The following TSC22D2 variants were observed in gnomAD, a reference collection of about 807,000 sequenced individuals.
The protein encoded by TSC22D2 is TSC22 domain family protein 2.
TSC22D2 carries 5 observed loss-of-function variants against 50.1 expected under a neutral mutation model. That is an observed-to-expected ratio of 0.10 (90% CI 0.05 to 0.21). The LOEUF is 0.21. TSC22D2 is among the 10% of genes least tolerant of loss of function. The pLI is 1.00. For synonymous variants in TSC22D2, 501 were observed against 450.1 expected (o/e 1.11, Z -1.43); for missense variants, 1,003 against 1,015.5 (o/e 0.99, Z 0.17).
At position 150,460,974 on chromosome 3, in the gene TSC22D2, T is replaced by G. The variant is rs541861404; in HGVS notation, c.*2338T>G. On this transcript the variant is annotated 3_prime_UTR_variant, in exon 3 of 3. Coordinates refer to ENST00000688009, the MANE Select transcript of TSC22D2 (RefSeq NM_001303264.2). ...AAATATGGGTAGTTCACAGAAGAGA[T>G]AAATGGCAGTTTCTAAAGGTTCAAC... The G allele has an allele frequency of 5.3e-5, 8 of 152,268 alleles. No individual in the cohort carries two copies. Among genetic ancestry groups the G allele is most frequent in the African/African-American group, 1.4e-4 (6 of 41,558 alleles). 9.4% of individuals were successfully genotyped at this position (152,268 alleles called of 1,614,324 possible).
In TSC22D2 at chr3:150,413,211, G is replaced by C. The variant is rs58815482; in HGVS notation, c.1958+1903G>C. Among the ~76,000 whole-genome samples the C allele has an allele frequency of 3.0e-4, 45 of 152,308 alleles. 1 individual carries two copies. The highest frequency in any genetic ancestry group is 9.9e-4 in the African/African-American group (41 of 41,574). Reference sequence around the variant, plus strand: ...TTATTTTTTCCTCTTACTGTATTAAGAGTTGGTAATCTGAAAACTCTGATT... The same window carrying C: ...TTATTTTTTCCTCTTACTGTATTAACAGTTGGTAATCTGAAAACTCTGATT... On this transcript the variant is annotated intron_variant, in intron 1 of 2. Coordinates refer to ENST00000688009, the MANE Select transcript of TSC22D2 (RefSeq NM_001303264.2).
chr3:150,428,610 CAT>C (rs1192552259), intron 1 of TSC22D2, among the ~76,000 whole-genome samples: 1 of 101,562 alleles, frequency 9.8e-6, no homozygotes, highest in African/African-American at 3.3e-5. Flanking sequence ...AAAAAAAAAA[CAT>C]ACTTAGATAT....
At chr3:150,412,895 CT>C (rs1247150820) in intron 1 of TSC22D2, among the ~76,000 whole-genome samples, 1 of 152,120 alleles carries the variant, frequency 6.6e-6, no homozygotes, top group Non-Finnish European at 1.5e-5. Flanking sequence ...CAATTTTTTC[CT>C]GATAAGTTGG....
At chr3:150,417,472 G>C (rs773986318) in intron 1 of TSC22D2, among the ~76,000 whole-genome samples, 2 of 152,106 alleles carry the variant, frequency 1.3e-5, no homozygotes, top group African/African-American at 4.8e-5. Flanking sequence ...AACCAATAGC[G>C]TGTTTAATTA....
chr3:150,451,513 CTTAG>C (rs1336681258), intron 1 of TSC22D2, among the ~76,000 whole-genome samples: 1 of 152,182 alleles, frequency 6.6e-6, no homozygotes, highest in South Asian at 2.1e-4. Context: ...ACATTTGGTA[CTTAG>C]TTAAAGCACT....
rs1464255601 is a variant in TSC22D2, at chr3:150,459,439, G to T, written c.*803G>T. The T allele has an allele frequency of 6.6e-6, 1 of 152,438 alleles. No individual in the cohort carries two copies. Among genetic ancestry groups the T allele is most frequent in the African/African-American group, 2.4e-5 (1 of 41,402 alleles). 9.4% of individuals were successfully genotyped at this position (152,438 alleles called of 1,614,324 possible). On this transcript the variant is annotated 3_prime_UTR_variant, in exon 3 of 3. Coordinates refer to ENST00000688009, the MANE Select transcript of TSC22D2 (RefSeq NM_001303264.2). ...TTGTTTCTACTTTCTAAGAGAAATTGCCACGATTCCTCTGCTTTTCAACAT... is the reference window on the plus strand; with the variant it reads ...TTGTTTCTACTTTCTAAGAGAAATTTCCACGATTCCTCTGCTTTTCAACAT...
intron 1 of TSC22D2, among the ~76,000 whole-genome samples, chr3:150,420,989 G>T (rs1248108667): frequency 1.3e-5 from 2 of 152,138 alleles, no homozygotes; most frequent in Non-Finnish European, 2.9e-5. Flanking sequence ...AGGCTGAGGC[G>T]GGAGGATCAT....
intron 1 of TSC22D2, among the ~76,000 whole-genome samples, chr3:150,453,708 C>A (rs529523467): frequency 2.2e-4 from 34 of 152,252 alleles, no homozygotes; most frequent in African/African-American, 7.7e-4. Flanking sequence ...TATCTGAACT[C>A]AAAAAATTTT....
Position 150,410,713 on chromosome 3 carries a change from A to G in TSC22D2, c.1363A>G (p.Thr455Ala). The change falls in exon 1 of 3, where the codon ACT becomes GCT. Residue 455 changes from threonine to alanine, a missense_variant. Transcript: ENST00000688009. ...QGGQVAPCQP[T>A]GVPPATVGGV... Reference sequence around the variant, plus strand: ...CGGGCAGGTCGCGCCTTGTCAGCCGACTGGAGTGCCCCCGGCTACTGTGGG... The same window carrying G: ...CGGGCAGGTCGCGCCTTGTCAGCCGGCTGGAGTGCCCCCGGCTACTGTGGG... 6.3e-7 allele frequency: 1 copy of G among 1,584,342 alleles called. No individual in the cohort carries two copies. Among genetic ancestry groups the G allele is most frequent in the Non-Finnish European group, 8.6e-7 (1 of 1,166,318 alleles).
At chr3:150,451,058 G>C (rs1047189192) in intron 1 of TSC22D2, among the ~76,000 whole-genome samples, 2 of 152,046 alleles carry the variant, frequency 1.3e-5, no homozygotes, top group Non-Finnish European at 2.9e-5. Context: ...GTTTTAGTTG[G>C]TTTGGGCAAG....
intron 1 of TSC22D2, among the ~76,000 whole-genome samples, chr3:150,418,002 C>A (rs1034401814): frequency 5.9e-5 from 9 of 151,928 alleles, no homozygotes; most frequent in Non-Finnish European, 1.3e-4. Context: ...TCCTTCTAGC[C>A]TTATGTATAT....
intron 2 of TSC22D2, among the ~76,000 whole-genome samples, chr3:150,457,640 T>C (rs1721230583): frequency 6.6e-6 from 1 of 152,034 alleles, no homozygotes; most frequent in East Asian, 1.9e-4. Context: ...AAAAAGTTGG[T>C]ATTTTTGTTT....
intron 1 of TSC22D2, among the ~76,000 whole-genome samples, chr3:150,416,039 A>G (rs1719783511): frequency 6.6e-6 from 1 of 152,174 alleles, no homozygotes; most frequent in Non-Finnish European, 1.5e-5. Context: ...GGAAAGTATA[A>G]AAGGAATCTG....
intron 1 of TSC22D2, among the ~76,000 whole-genome samples, chr3:150,450,879 G>C (rs922451320): frequency 4.6e-5 from 7 of 152,148 alleles, no homozygotes; most frequent in Non-Finnish European, 1.0e-4. Context: ...ACCCAGGTTA[G>C]AATTAATGCA....
At chr3:150,442,238 A>G (rs1720741231) in intron 1 of TSC22D2, among the ~76,000 whole-genome samples, 2 of 152,152 alleles carry the variant, frequency 1.3e-5, no homozygotes, top group Non-Finnish European at 2.9e-5. Context: ...ACACCCTCTA[A>G]AATCTTGCTC....
At chr3:150,434,602 T>C (rs758123029) in intron 1 of TSC22D2, among the ~76,000 whole-genome samples, 1 of 152,220 alleles carries the variant, frequency 6.6e-6, no homozygotes, top group Non-Finnish European at 1.5e-5. Flanking sequence ...CTAAGCTGTT[T>C]CTACTCCTTT....
intron 1 of TSC22D2, among the ~76,000 whole-genome samples, chr3:150,453,780 A>T (rs1721111510): frequency 6.6e-6 from 1 of 152,240 alleles, no homozygotes; most frequent in African/African-American, 2.4e-5. Context: ...TACTATCAGT[A>T]TGCATTGAGT....
intron 1 of TSC22D2, among the ~76,000 whole-genome samples, chr3:150,413,426 C>G (rs886698014): frequency 6.6e-6 from 1 of 152,052 alleles, no homozygotes; most frequent in South Asian, 2.1e-4. Flanking sequence ...TTGTTACAGT[C>G]TTTCATTGGT....
chr3:150,418,456 AAG>A (rs992884971), intron 1 of TSC22D2, among the ~76,000 whole-genome samples: 6 of 152,048 alleles, frequency 3.9e-5, no homozygotes, highest in African/African-American at 1.4e-4. Flanking sequence ...AAATATATAA[AAG>A]AGTAAAATCG....
Sources: allele counts gnomAD v4.1 joint callset (sites outside exome capture counted in the v4.1 genomes callset), GRCh38; gene constraint gnomAD v4.1.1; transcripts MANE v1.5; gene names NCBI Gene and HGNC (gene_info 2026-07-23, HGNC 2026-07-21).